Variants in EFEMP2 observed in about 807,000 individuals in gnomAD.
EFEMP2 encodes the protein EGF-containing fibulin-like extracellular matrix protein 2.
In EFEMP2, 21 loss-of-function variants were observed where a neutral mutation model predicts 55.3. That is an observed-to-expected ratio of 0.38 (90% confidence interval 0.27 to 0.55). The LOEUF (loss-of-function observed/expected upper bound fraction) is 0.55. Ranked by LOEUF, EFEMP2 falls within the 20% of genes least tolerant of loss-of-function variation. The pLI, the probability that EFEMP2 is intolerant of heterozygous loss-of-function variation, is 0.77. For synonymous variants in EFEMP2, 275 were observed against 242.3 expected (o/e 1.14, Z -1.25); for missense variants, 513 against 615.1 (o/e 0.83, Z 1.76).
In EFEMP2 at chr11:65,872,004, G is replaced by A. The variant is rs1420790882; in HGVS notation, c.126C>T (p.Gly42=). 1.9e-6 allele frequency: 3 copies of A among 1,551,612 alleles called. No individual in the cohort carries two copies. The highest frequency in any genetic ancestry group is 2.6e-6 in the Non-Finnish European group (3 of 1,146,950). Residue 42 remains glycine, a synonymous_variant, in exon 3 of 11, where the codon GGC becomes GGT. Transcript: ENST00000307998. ...EPDSYTECTD[G]YEWDPDSQHC... is the part of the protein sequence containing the mutation. ...GCTGGCTGTCTGGGTCCCACTCATA[G>A]CCATCTGTGCATTCCTGGAAGGGAA...
chr11:65,870,893 G>C, intron 4 of EFEMP2: 1 of 714,608 alleles, frequency 1.4e-6, no homozygotes. Context: ...CTTCCTCCAA[G>C]GCCTGTGGCT....
intron 4 of EFEMP2, 162 bp downstream of exon 4, chr11:65,870,995 C>T (rs1428904078): frequency 1.1e-6 from 1 of 918,470 alleles, no homozygotes; most frequent in African/African-American, 1.6e-5. Flanking sequence ...CAGTGGCACA[C>T]AAGCTGGGGC....
chr11:65,869,701 G>A, intron 7 of EFEMP2, 156 bp downstream of exon 7: 1 of 1,128,796 alleles, frequency 8.9e-7, no homozygotes, highest in South Asian at 1.2e-5. Flanking sequence ...GCCTGGGAGT[G>A]CTCCACAGCC....
intron 10 of EFEMP2, 115 bp downstream of exon 10, chr11:65,867,746 G>C (rs1859881485): frequency 8.7e-7 from 1 of 1,154,212 alleles, no homozygotes; most frequent in Admixed American, 1.8e-5. Context: ...CCGCCTCCGG[G>C]GGCGGGGCTT....
intron 10 of EFEMP2, chr11:65,867,376 T>C (rs919652642): frequency 1.9e-6 from 1 of 516,604 alleles, no homozygotes. Context: ...GTGGGACCTT[T>C]GGTGACCCAA....
chr11:65,868,123 C>T (rs1859894371), intron 9 of EFEMP2, 67 bp from the exon 10 acceptor site: 1 of 1,581,628 alleles, frequency 6.3e-7, no homozygotes. Flanking sequence ...TCCTACCCTA[C>T]AAAGGGAGGG....
In EFEMP2 at chr11:65,867,095, TG is replaced by T. The variant is rs1213302438; in HGVS notation, c.1171-17del. The T allele has an allele frequency of 1.9e-6, 3 of 1,613,478 alleles. No homozygotes were observed. The highest frequency in any genetic ancestry group is 2.5e-6 in the Non-Finnish European group (3 of 1,179,954). ...TGTTGATTTGCTGCAGGGCAGTGGG[TG>T]GGGGGACATATATATTGTGTCAGCC... On this transcript the variant is annotated splice_polypyrimidine_tract_variant and intron_variant, in intron 10 of 10. Coordinates refer to ENST00000307998, the MANE Select transcript of EFEMP2 (RefSeq NM_016938.5).
At position 65,870,166 on chromosome 11, in the gene EFEMP2, A is replaced by C. The variant is rs1859939652; in HGVS notation, c.562T>G (p.Cys188Gly). The C allele has an allele frequency of 6.2e-7, 1 of 1,613,660 alleles. No individual in the cohort carries two copies. Among genetic ancestry groups the C allele is most frequent in the Non-Finnish European group, 8.5e-7 (1 of 1,180,010 alleles). Residue 188 changes from cysteine to glycine, a missense_variant, in exon 6 of 11, where the codon TGC becomes GGC. Coordinates refer to ENST00000307998, the MANE Select transcript of EFEMP2 (RefSeq NM_016938.5). ...VNLPGSFRCQ[C>G]EPGFQLGPNN... ...GGCCCCAGCTGGAAGCCCGGCTCGC[A>C]CTGGCAGCGGAAGGAGCCAGGCAGG... is the stretch of plus-strand genomic sequence containing the variant.
chr11:65,867,948 G>A lies in EFEMP2; in HGVS notation c.1083C>T (p.Phe361=). ...GGTAGACGGAGGTCGCCTGGATCTG[G>A]AACACGTCAGCGGGCACGCTCCGCT... is the stretch of plus-strand genomic sequence containing the variant. ...TSERSVPADV[F]QIQATSVYPG... The change falls in exon 10 of 11, where the codon TTC becomes TTT. Residue 361 remains phenylalanine (F), a synonymous_variant. Transcript: ENST00000307998. 6.2e-7 allele frequency: 1 copy of A among 1,614,102 alleles called. No individual in the cohort carries two copies. Among genetic ancestry groups the A allele is most frequent in the Non-Finnish European group, 8.5e-7 (1 of 1,180,032 alleles).
At chr11:65,867,421 A>G (rs1190942490) in intron 10 of EFEMP2, 6 of 443,694 alleles carry the variant, frequency 1.4e-5, no homozygotes, top group Non-Finnish European at 8.3e-6. Flanking sequence ...TTCAATTTCA[A>G]AAAGAAAGAG....
intron 5 of EFEMP2, 117 bp from the exon 6 acceptor site, chr11:65,870,354 T>C (rs1324487089): frequency 1.1e-5 from 15 of 1,413,920 alleles, no homozygotes; most frequent in South Asian, 4.7e-5. Flanking sequence ...GGAGCTGAAT[T>C]AGGCAGGGTC....
chr11:65,870,902 C>T (rs1481580611), intron 4 of EFEMP2: 3 of 708,972 alleles, frequency 4.2e-6, no homozygotes, highest in Non-Finnish European at 7.3e-6. Context: ...AGGCCTGTGG[C>T]TCCCAGGGGA....
chr11:65,872,291 A>G lies in EFEMP2; in HGVS notation c.64T>C (p.Leu22=). Reference sequence around the variant, plus strand: ...GAATCCTGAGGAGAAGCTGATCCCAAGAGCAACAGTAGCAGCGCCCAGAGC... The same window carrying G: ...GAATCCTGAGGAGAAGCTGATCCCAGGAGCAACAGTAGCAGCGCCCAGAGC... ...LLLWALLLLL[L]GSASPQDSEE... Residue 22 remains leucine (L), a synonymous_variant, in exon 2 of 11, where the codon TTG becomes CTG. Coordinates refer to ENST00000307998, the MANE Select transcript of EFEMP2 (RefSeq NM_016938.5). 1.3e-6 allele frequency: 2 copies of G among 1,551,734 alleles called. No homozygotes were observed. The highest frequency in any genetic ancestry group is 1.7e-6 in the Non-Finnish European group (2 of 1,147,024).
At chr11:65,867,788 G>A in intron 10 of EFEMP2, 73 bp downstream of exon 10, 11 of 1,550,852 alleles carry the variant, frequency 7.1e-6, no homozygotes, top group Admixed American at 1.7e-5. Flanking sequence ...CAGCCTGGCC[G>A]AGTTCCCCCT....
chr11:65,872,363 T>G lies in EFEMP2; in HGVS notation c.-7-2A>C. Reference sequence around the variant, plus strand: ...GAGGCGCAGGGGAGCATCCTGGGGCTGCGAGATGGTGGACACGGGTCAGGG... The same window carrying G: ...GAGGCGCAGGGGAGCATCCTGGGGCGGCGAGATGGTGGACACGGGTCAGGG... On this transcript the variant is annotated splice_acceptor_variant, in intron 1 of 10. Coordinates refer to ENST00000307998, the MANE Select transcript of EFEMP2 (RefSeq NM_016938.5). LOFTEE classifies it low-confidence loss of function (5UTR_SPLICE). 6.5e-7 allele frequency: 1 copy of G among 1,543,638 alleles called. No individual in the cohort carries two copies. Among genetic ancestry groups the G allele is most frequent in the Non-Finnish European group, 8.8e-7 (1 of 1,140,356 alleles).
At chr11:65,871,756 G>C (rs1356223345) in intron 3 of EFEMP2, 1 of 640,768 alleles carries the variant, frequency 1.6e-6, no homozygotes, top group Non-Finnish European at 2.8e-6. Flanking sequence ...GAGGGGTAGG[G>C]ACAAGGTTTC....
Position 65,869,876 on chromosome 11 carries a change from C to T in EFEMP2, c.708G>A (p.Arg236=). The T allele has an allele frequency of 3.7e-6, 6 of 1,614,000 alleles. No homozygotes were observed. The highest frequency in any genetic ancestry group is 5.1e-6 in the Non-Finnish European group (6 of 1,180,012). Residue 236 remains arginine, a synonymous_variant, in exon 7 of 11, where the codon CGG becomes CGA. Transcript: ENST00000307998. ...TCTCACCACTGCAGGAGAAGCCATC[C>T]CGATGCAGCTCATAGCCCTGGTGGC... is the stretch of plus-strand genomic sequence containing the variant. ...CRCHQGYELH[R]DGFSCSDIDE...
At chr11:65,867,700 T>A in intron 10 of EFEMP2, 161 bp downstream of exon 10, 1 of 746,278 alleles carries the variant, frequency 1.3e-6, no homozygotes, top group East Asian at 2.7e-5. Context: ...ACCGTTAGAA[T>A]TGCATTTAGA....
At position 65,871,630 on chromosome 11, in the gene EFEMP2, C is replaced by G. The variant is rs1591068041; in HGVS notation, c.161-267G>C. 3 of 598,496 alleles carry G rather than the reference C, an allele frequency of 5.0e-6. No homozygotes were observed. The East Asian group carries it at 8.4e-5, about 17-fold the overall frequency. 37.1% of individuals were successfully genotyped at this position (598,496 alleles called of 1,614,324 possible). On this transcript the variant is annotated intron_variant, in intron 3 of 10. Transcript: ENST00000307998. Reference sequence around the variant, plus strand: ...CCACGGCCCTAGCCCTAGCTCAGCCCAAGATGGGGGGCCTCCTTACCCACC... The same window carrying G: ...CCACGGCCCTAGCCCTAGCTCAGCCGAAGATGGGGGGCCTCCTTACCCACC...
Sources: allele counts gnomAD v4.1 joint callset, GRCh38; gene constraint gnomAD v4.1.1; transcripts MANE v1.5; gene names NCBI Gene and HGNC (gene_info 2026-07-23, HGNC 2026-07-21).